CSMD1: variants seen among roughly 807,000 people sequenced by gnomAD.
CSMD1 encodes CUB and sushi domain-containing protein 1.
CSMD1 carries 213 observed loss-of-function variants against 417.5 expected under a neutral mutation model. The observed-to-expected ratio is 0.51, with a 90% confidence interval of 0.46 to 0.57. CSMD1 has a LOEUF of 0.57. Among genes scored for constraint, CSMD1 ranks in the 20% least tolerant of loss-of-function variants. CSMD1 has a pLI of 0.00. For synonymous variants in CSMD1, 2,862 were observed against 1,736.8 expected, an observed-to-expected ratio of 1.65 and a Z score of -16.11; for missense variants, 6,923 against 4,529.7, an observed-to-expected ratio of 1.53 and a Z score of -15.17.
At chr8:3,402,608 T>C (rs1442680757) in intron 15 of CSMD1, among the ~76,000 whole-genome samples, 1 of 152,166 alleles carries the variant, frequency 6.6e-6, no homozygotes, top group Non-Finnish European at 1.5e-5. Context: ...AATAAAAAAA[T>C]TGCTCTATTG....
intron 1 of CSMD1, among the ~76,000 whole-genome samples, chr8:4,872,206 T>C (rs918768729): frequency 6.6e-6 from 1 of 152,132 alleles, no homozygotes; most frequent in Non-Finnish European, 1.5e-5. Context: ...AAGTAAGGCA[T>C]AGAGGCCTTG....
chr8:3,261,716 A>C (rs1201152094), intron 26 of CSMD1, among the ~76,000 whole-genome samples: 2 of 152,080 alleles, frequency 1.3e-5, no homozygotes, highest in African/African-American at 4.8e-5. Context: ...ATCAGCACCC[A>C]CAGAAAGGTA....
rs959698930 is a variant in CSMD1, at chr8:3,858,899, A to G, written c.819-104857T>C. On this transcript the variant is annotated intron_variant, in intron 5 of 69. Transcript: ENST00000635120. Reference sequence around the variant, plus strand: ...GTTTATCGTGACAATGTAAATCTATATATTTTACAAATGGATTTGGCGAGT... The same window carrying G: ...GTTTATCGTGACAATGTAAATCTATGTATTTTACAAATGGATTTGGCGAGT... 7.2e-5 allele frequency among the ~76,000 whole-genome samples: 11 copies of G among 152,182 alleles called. No individual in the cohort carries two copies. In the East Asian group the frequency reaches 7.7e-4, roughly 11 times the overall value.
rs150284094 is a variant in CSMD1 at position 3,615,095 on chromosome 8, T to C, written c.1097+1615A>G. Among the ~76,000 whole-genome samples the C allele has an allele frequency of 7.9e-5, 12 of 152,326 alleles. No homozygotes were observed. The East Asian group carries it at 2.3e-3, about 29-fold the overall frequency. On this transcript the variant is annotated intron_variant, in intron 8 of 69. Coordinates refer to ENST00000635120, the MANE Select transcript of CSMD1 (RefSeq NM_033225.6). ...AAATGACTGCTGTTTTCTAATATGA[T>C]ACTGGAAACCAGCATCCTTCTGTTA...
intron 1 of CSMD1, among the ~76,000 whole-genome samples, chr8:4,757,199 T>G (rs1192325823): frequency 6.6e-6 from 1 of 152,192 alleles, no homozygotes; most frequent in African/African-American, 2.4e-5. Flanking sequence ...TCAATATTAG[T>G]TTAGCTGTTT....
At chr8:4,789,918 C>G (rs1304521721) in intron 1 of CSMD1, among the ~76,000 whole-genome samples, 1 of 152,156 alleles carries the variant, frequency 6.6e-6, no homozygotes, top group Non-Finnish European at 1.5e-5. Context: ...GCCATCAGAT[C>G]TGTTCTGCCA....
chr8:4,868,785 T>TA (rs5889066), intron 1 of CSMD1, among the ~76,000 whole-genome samples: 138,169 of 149,982 alleles, frequency 0.92, 64,395 homozygotes, highest in East Asian at 1. Context: ...GTAAAAATTG[T>TA]AAAAAAAAAG....
chr8:3,970,720 T>A (rs951499318), intron 5 of CSMD1, among the ~76,000 whole-genome samples: 1 of 152,138 alleles, frequency 6.6e-6, no homozygotes, highest in African/African-American at 2.4e-5. Context: ...GGTGCACCTC[T>A]GCTTAACAGG....
chr8:4,186,216 C>T (rs1464499553), intron 3 of CSMD1, among the ~76,000 whole-genome samples: 1 of 152,122 alleles, frequency 6.6e-6, no homozygotes, highest in Non-Finnish European at 1.5e-5. Flanking sequence ...ACTGGAAGCT[C>T]AGGACGGCCA....
At chr8:3,722,386 G>C (rs1034786519) in intron 6 of CSMD1, among the ~76,000 whole-genome samples, 1 of 152,158 alleles carries the variant, frequency 6.6e-6, no homozygotes, top group African/African-American at 2.4e-5. Flanking sequence ...TTAGGAATTT[G>C]AAAGCACAGT....
At chr8:4,301,571 C>T (rs374614822) in intron 3 of CSMD1, among the ~76,000 whole-genome samples, 6 of 152,272 alleles carry the variant, frequency 3.9e-5, no homozygotes, top group African/African-American at 1.4e-4. Flanking sequence ...GGAAAGTCTG[C>T]TCAATTATTA....
intron 6 of CSMD1, among the ~76,000 whole-genome samples, chr8:3,750,303 T>A (rs1383522505): frequency 1.3e-5 from 2 of 150,522 alleles, no homozygotes; most frequent in Non-Finnish European, 3.0e-5. Context: ...TTTAAAATGT[T>A]CTTCTCCACT....
chr8:3,140,349 GTCTCTC>G (rs10666539), intron 41 of CSMD1, among the ~76,000 whole-genome samples: 1 of 150,622 alleles, frequency 6.6e-6, no homozygotes, highest in African/African-American at 2.4e-5. Context: ...CTCTCTCTCT[GTCTCTC>G]TCTCTCTGTT....
At chr8:3,994,193 C>G (rs1568699) in intron 5 of CSMD1, among the ~76,000 whole-genome samples, 28,144 of 151,952 alleles carry the variant, frequency 0.19, 3,010 homozygotes, top group Non-Finnish European at 0.24. Flanking sequence ...TTTTTCCTTA[C>G]CTTCTCTATC....
intron 5 of CSMD1, among the ~76,000 whole-genome samples, chr8:3,954,486 C>G (rs932649863): frequency 6.6e-6 from 1 of 152,180 alleles, no homozygotes; most frequent in African/African-American, 2.4e-5. Context: ...GCTGCCTCAG[C>G]TTCCTGAGTA....
chr8:3,752,694 A>AAAAAAAAC (rs1797414183), intron 6 of CSMD1, among the ~76,000 whole-genome samples: 2 of 66,520 alleles, frequency 3.0e-5, no homozygotes, highest in South Asian at 9.3e-4. Flanking sequence ...AAAAAAAAAA[A>AAAAAAAAC]AAAAAAAAAA....
At chr8:4,914,309 G>A (rs1297758566) in intron 1 of CSMD1, among the ~76,000 whole-genome samples, 3 of 152,118 alleles carry the variant, frequency 2.0e-5, no homozygotes, top group Non-Finnish European at 2.9e-5. Flanking sequence ...GGGTGCGGTG[G>A]CTCACACCTG....
chr8:3,730,973 A>G (rs1796219222), intron 6 of CSMD1, among the ~76,000 whole-genome samples: 1 of 152,202 alleles, frequency 6.6e-6, no homozygotes, highest in Non-Finnish European at 1.5e-5. Context: ...GGGAAAATTT[A>G]TTTCAAACAT....
intron 2 of CSMD1, among the ~76,000 whole-genome samples, chr8:4,450,782 ATTTTC>A (rs1799094772): frequency 6.6e-6 from 1 of 152,162 alleles, no homozygotes; most frequent in African/African-American, 2.4e-5. Context: ...CAAGTATTGT[ATTTTC>A]ATTTTGCTTT....
Sources: allele counts gnomAD v4.1 joint callset (sites outside exome capture counted in the v4.1 genomes callset), GRCh38; gene constraint gnomAD v4.1.1; transcripts MANE v1.5; gene names NCBI Gene and HGNC (gene_info 2026-07-23, HGNC 2026-07-21).